The following MAP7 variants were observed in gnomAD, a reference collection of about 807,000 sequenced individuals.
MAP7 encodes the protein ensconsin.
MAP7 carries 52 observed loss-of-function variants against 94.8 expected under a neutral mutation model. The ratio of observed to expected loss-of-function variants is 0.55; its 90% confidence interval spans 0.44 to 0.69. MAP7 has a LOEUF of 0.69. MAP7 is among the 30% of genes least tolerant of loss of function. The pLI, the probability that MAP7 is intolerant of heterozygous loss-of-function variation, is 0.00. For missense variants in MAP7, 940 were observed against 964.6 expected (o/e 0.97, Z 0.34); for synonymous variants, 350 against 357.0 (o/e 0.98, Z 0.22).
intron 1 of MAP7, among the ~76,000 whole-genome samples, chr6:136,433,077 A>C (rs1481183222): frequency 6.6e-6 from 1 of 152,160 alleles, no homozygotes; most frequent in Non-Finnish European, 1.5e-5. Context: ...TAGGAAATTC[A>C]AAAAAGTACA....
At chr6:136,541,127 A>G (rs1829275930) in intron 1 of MAP7, among the ~76,000 whole-genome samples, 1 of 152,170 alleles carries the variant, frequency 6.6e-6, no homozygotes, top group Non-Finnish European at 1.5e-5. Flanking sequence ...TGCCACCCCA[A>G]AGGCTTGGGT....
At chr6:136,523,095 CAA>C (rs1347228331) in intron 1 of MAP7, among the ~76,000 whole-genome samples, 1 of 152,048 alleles carries the variant, frequency 6.6e-6, no homozygotes, top group African/African-American at 2.4e-5. Context: ...AAAGGTGCAA[CAA>C]ATGATACAGG....
intron 1 of MAP7, among the ~76,000 whole-genome samples, chr6:136,541,104 T>G (rs1181607835): frequency 6.6e-6 from 1 of 152,184 alleles, no homozygotes; most frequent in Non-Finnish European, 1.5e-5. Flanking sequence ...AACCAGGTCC[T>G]GTCTGGTGCG....
At chr6:136,371,208 G>T (rs1370147493) in intron 8 of MAP7, among the ~76,000 whole-genome samples, 1 of 152,166 alleles carries the variant, frequency 6.6e-6, no homozygotes, top group Non-Finnish European at 1.5e-5. Flanking sequence ...AGCCACAGGT[G>T]GCCCTCAACC....
At chr6:136,348,248 A>C (rs1205442556) in intron 16 of MAP7, among the ~76,000 whole-genome samples, 3 of 152,166 alleles carry the variant, frequency 2.0e-5, no homozygotes, top group African/African-American at 7.2e-5. Context: ...GTCACCTTCC[A>C]GGCCTGCATG....
chr6:136,512,406 T>C (rs1184771064), intron 1 of MAP7, among the ~76,000 whole-genome samples: 5 of 152,216 alleles, frequency 3.3e-5, no homozygotes, highest in Non-Finnish European at 7.3e-5. Flanking sequence ...CTAAGACTAT[T>C]ACGGATGTAA....
chr6:136,385,022 T>C (rs1469744448), intron 5 of MAP7, among the ~76,000 whole-genome samples: 1 of 152,228 alleles, frequency 6.6e-6, no homozygotes, highest in Non-Finnish European at 1.5e-5. Flanking sequence ...TTTTGCTGTA[T>C]TTTGTTTTAT....
chr6:136,409,114 G>T (rs535062770), intron 3 of MAP7, among the ~76,000 whole-genome samples: 16 of 151,688 alleles, frequency 1.1e-4, no homozygotes, highest in Non-Finnish European at 1.9e-4. Context: ...TTAATGCAAA[G>T]AAAAAAATTA....
chr6:136,361,235 A>T, intron 11 of MAP7, 56 bp from the exon 12 acceptor site: 1 of 1,581,530 alleles, frequency 6.3e-7, no homozygotes, highest in Non-Finnish European at 8.6e-7. Flanking sequence ...AAATCTTTGA[A>T]GAGAGGCCTC....
chr6:136,416,351 A>C (rs1582848657), intron 2 of MAP7, among the ~76,000 whole-genome samples: 1 of 152,294 alleles, frequency 6.6e-6, no homozygotes, highest in South Asian at 2.1e-4. Context: ...AATAACTAAA[A>C]ACTGATAAAA....
chr6:136,484,697 AT>A (rs1269780003), intron 1 of MAP7, among the ~76,000 whole-genome samples: 2 of 152,148 alleles, frequency 1.3e-5, no homozygotes, highest in Non-Finnish European at 1.5e-5. Context: ...TGAATCAAAA[AT>A]ATCATAATTT....
intron 1 of MAP7, among the ~76,000 whole-genome samples, chr6:136,465,396 A>G (rs1401758654): frequency 6.6e-6 from 1 of 152,224 alleles, no homozygotes; most frequent in Non-Finnish European, 1.5e-5. Context: ...ATCACATTCA[A>G]ATAATAATGA....
Position 136,548,907 on chromosome 6 carries a change from C to G in MAP7, c.67+1435G>C, listed in dbSNP as rs9373168. 6.6e-5 allele frequency among the ~76,000 whole-genome samples: 10 copies of G among 152,356 alleles called. No individual in the cohort carries two copies. In the East Asian group the frequency reaches 1.7e-3, roughly 26 times the overall value. On this transcript the variant is annotated intron_variant, in intron 1 of 17. Coordinates refer to ENST00000354570, the MANE Select transcript of MAP7 (RefSeq NM_003980.6). ...ACTTGGGGGAGCCCCGTCCCAGCGT[C>G]TAGCTCATCAAATTCCCGAAAGCAA...
intron 1 of MAP7, among the ~76,000 whole-genome samples, chr6:136,512,836 CTTTT>C (rs76348621): frequency 7.3e-6 from 1 of 136,860 alleles, no homozygotes; most frequent in East Asian, 2.7e-4. Flanking sequence ...AATTTCTTCC[CTTTT>C]TTTTTTTTTT....
chr6:136,420,294 C>A, intron 2 of MAP7: 1 of 814,646 alleles, frequency 1.2e-6, no homozygotes, highest in Non-Finnish European at 2.1e-6. Context: ...TCCAGAGGGA[C>A]CTTGGTGCTG....
intron 1 of MAP7, among the ~76,000 whole-genome samples, chr6:136,502,379 C>T (rs1583079712): frequency 6.6e-6 from 1 of 152,198 alleles, no homozygotes; most frequent in African/African-American, 2.4e-5. Context: ...CTTTGTGATT[C>T]GTAATAAAAT....
intron 3 of MAP7, among the ~76,000 whole-genome samples, chr6:136,393,085 G>A (rs1317997884): frequency 6.6e-6 from 1 of 151,960 alleles, no homozygotes; most frequent in Non-Finnish European, 1.5e-5. Flanking sequence ...TTATTAATAC[G>A]TGGCTCTATT....
At chr6:136,432,609 C>T (rs1043250652) in intron 1 of MAP7, among the ~76,000 whole-genome samples, 9 of 152,164 alleles carry the variant, frequency 5.9e-5, no homozygotes, top group Non-Finnish European at 2.9e-5. Flanking sequence ...CACAATTCTT[C>T]TCAAATACTT....
intron 10 of MAP7, 46 bp from the exon 11 acceptor site, chr6:136,362,748 A>G: frequency 6.6e-7 from 1 of 1,512,310 alleles, no homozygotes; most frequent in Middle Eastern, 1.8e-4. Flanking sequence ...AACAAAATCC[A>G]AAGAACAAAA....
Sources: gnomAD v4.1 joint callset for allele counts (sites outside exome capture counted in the v4.1 genomes callset) on GRCh38, gnomAD v4.1.1 for gene constraint, MANE v1.5 for transcripts, NCBI Gene and HGNC (gene_info 2026-07-23, HGNC 2026-07-21) for gene names.